The following REV3L variants were observed in gnomAD, a reference collection of about 807,000 sequenced individuals.
The protein encoded by REV3L is REV3 like, DNA directed polymerase zeta catalytic subunit.
Under a neutral mutation model 299.4 loss-of-function variants are expected in REV3L, and 69 were observed. The observed-to-expected ratio is 0.23, with a 90% CI of 0.19 to 0.28. The LOEUF (loss-of-function observed/expected upper bound fraction) is 0.28, where lower values mean the gene tolerates loss of function less well. Ranked by LOEUF, REV3L falls within the 10% of genes least tolerant of loss-of-function variation. The pLI is 1.00. For synonymous variants in REV3L, 1,238 were observed against 1,271.4 expected, an observed-to-expected ratio of 0.97 and a Z score of 0.56; for missense variants, 3,128 against 3,693.8, an observed-to-expected ratio of 0.85 and a Z score of 3.97.
At chr6:111,385,696 G>A (rs1781277291) in intron 9 of REV3L, among the ~76,000 whole-genome samples, 1 of 151,732 alleles carries the variant, frequency 6.6e-6, no homozygotes, top group East Asian at 1.9e-4. Flanking sequence ...CCTAGATGGA[G>A]AGAAAACATC....
chr6:111,448,737 C>T (rs1173841760), intron 1 of REV3L, among the ~76,000 whole-genome samples: 1 of 151,828 alleles, frequency 6.6e-6, no homozygotes, highest in Non-Finnish European at 1.5e-5. Context: ...CCTCTCACCT[C>T]AGCCTCTCCA....
intron 1 of REV3L, among the ~76,000 whole-genome samples, chr6:111,436,182 G>C (rs1787527023): frequency 6.6e-6 from 1 of 152,156 alleles, no homozygotes; most frequent in Non-Finnish European, 1.5e-5. Context: ...GCGGATAAAG[G>C]AGAATCCTCG....
chr6:111,410,403 T>G (rs1253106582), intron 3 of REV3L, among the ~76,000 whole-genome samples: 1 of 152,208 alleles, frequency 6.6e-6, no homozygotes, highest in Non-Finnish European at 1.5e-5. Context: ...TATAAAACAC[T>G]TAAGCCTCTT....
At chr6:111,481,846 G>C (rs1237376633) in intron 1 of REV3L, among the ~76,000 whole-genome samples, 1 of 151,692 alleles carries the variant, frequency 6.6e-6, no homozygotes, top group Non-Finnish European at 1.5e-5. Context: ...TTTTGAGAAC[G>C]TACCTTCTGT....
rs1582393119 is a variant in REV3L, at chr6:111,299,472, C to T, written c.*544G>A. ...TGCACAGTTTGATCAAAATAACGATCTACTTTGAGTCAAGCAAAACCTAGA... is the reference window on the plus strand; with the variant it reads ...TGCACAGTTTGATCAAAATAACGATTTACTTTGAGTCAAGCAAAACCTAGA... On this transcript the variant is annotated 3_prime_UTR_variant, in exon 32 of 32. Coordinates refer to ENST00000368802, the MANE Select transcript of REV3L (RefSeq NM_001372078.1). 1 of 152,702 alleles carries T rather than the reference C, an allele frequency of 6.5e-6. No individual in the cohort carries two copies. Among genetic ancestry groups the T allele is most frequent in the Non-Finnish European group, 1.5e-5 (1 of 68,044 alleles). The allele number at this position is 152,702 out of a possible 1,614,324, so 9.5% of individuals were successfully genotyped here.
chr6:111,351,893 T>C (rs1777602524), intron 18 of REV3L, 102 bp from the exon 19 acceptor site: 1 of 724,974 alleles, frequency 1.4e-6, no homozygotes, highest in South Asian at 2.0e-5. Context: ...CAAAAACCTA[T>C]GTTCTCTAAC....
At chr6:111,400,935 T>C (rs1236908582) in intron 4 of REV3L, among the ~76,000 whole-genome samples, 4 of 152,096 alleles carry the variant, frequency 2.6e-5, no homozygotes, top group Admixed American at 1.3e-4. Context: ...TATGTTCTTT[T>C]ATTTTTATTT....
intron 1 of REV3L, among the ~76,000 whole-genome samples, chr6:111,429,791 G>GACTGCCT (rs1422926127): frequency 1.3e-5 from 2 of 152,242 alleles, no homozygotes; most frequent in East Asian, 3.9e-4. Flanking sequence ...CCTGGCGCGG[G>GACTGCCT]GGGTGAGCAC....
chr6:111,344,461 C>G (rs1261969656), intron 20 of REV3L, among the ~76,000 whole-genome samples: 1 of 152,106 alleles, frequency 6.6e-6, no homozygotes, highest in Non-Finnish European at 1.5e-5. Flanking sequence ...GGTGAGTTAT[C>G]TAGTTAAAGG....
intron 21 of REV3L, among the ~76,000 whole-genome samples, chr6:111,337,351 A>G (rs1200004828): frequency 2.6e-5 from 4 of 152,228 alleles, no homozygotes; most frequent in Admixed American, 1.3e-4. Context: ...ATTTTGTTTC[A>G]TAATTTACAT....
At chr6:111,478,394 A>T (rs1267203943) in intron 1 of REV3L, among the ~76,000 whole-genome samples, 1 of 152,134 alleles carries the variant, frequency 6.6e-6, no homozygotes, top group Non-Finnish European at 1.5e-5. Context: ...TACCTACTTT[A>T]AAAAAAGTGA....
At chr6:111,465,755 A>AAAC (rs1554250424) in intron 1 of REV3L, among the ~76,000 whole-genome samples, 2 of 150,810 alleles carry the variant, frequency 1.3e-5, no homozygotes, top group Non-Finnish European at 3.0e-5. Context: ...CAAAAAAAAA[A>AAAC]AAAAAAAAAA....
At chr6:111,377,616 T>C in intron 12 of REV3L, 85 bp downstream of exon 12, 1 of 1,327,232 alleles carries the variant, frequency 7.5e-7, no homozygotes, top group South Asian at 1.4e-5. Context: ...GGATTACAGG[T>C]GTGAGCCAGA....
intron 21 of REV3L, among the ~76,000 whole-genome samples, chr6:111,337,230 T>C (rs1775997949): frequency 6.6e-6 from 1 of 152,212 alleles, no homozygotes; most frequent in South Asian, 2.1e-4. Flanking sequence ...GTGAATTATA[T>C]ACTTTAAATG....
chr6:111,412,414 C>T (rs1784340281), intron 2 of REV3L: 1 of 201,354 alleles, frequency 5.0e-6, no homozygotes, highest in Admixed American at 6.5e-5. Flanking sequence ...ACACTACAAC[C>T]TCTGATATAC....
In REV3L at chr6:111,300,060, A is replaced by G. The variant is rs1441048611; in HGVS notation, c.9349T>C (p.Leu3117=). The G allele has an allele frequency of 1.1e-5, 17 of 1,613,668 alleles. No homozygotes were observed. The highest frequency in any genetic ancestry group is 1.3e-5 in the Non-Finnish European group (15 of 1,179,794). Residue 3117 remains leucine, a synonymous_variant, in exon 32 of 32, where the codon TTG becomes CTG. Transcript: ENST00000368802. ...TGCCGGAGATATGGTGCCTTGGACA[A>G]TTCTCTATTTACTCGGGAGAGTTTG... is the stretch of plus-strand genomic sequence containing the variant. The part of the protein sequence containing the change: ...LFKLSRVNRE[L]SKAPYLRQLL...
intron 4 of REV3L, among the ~76,000 whole-genome samples, chr6:111,399,081 T>C (rs545512760): frequency 9.8e-5 from 15 of 152,320 alleles, no homozygotes; most frequent in African/African-American, 3.6e-4. Context: ...ATAAAATAAA[T>C]GGTTTCTGTA....
intron 16 of REV3L, among the ~76,000 whole-genome samples, chr6:111,360,038 A>G (rs1344370009): frequency 6.6e-6 from 1 of 152,228 alleles, no homozygotes; most frequent in African/African-American, 2.4e-5. Context: ...GATAAAATAT[A>G]CACAACAAGG....
At chr6:111,305,857 GTCTATT>G (rs1772228637) in intron 31 of REV3L, among the ~76,000 whole-genome samples, 1 of 152,132 alleles carries the variant, frequency 6.6e-6, no homozygotes, top group Non-Finnish European at 1.5e-5. Context: ...CAGGACAGAA[GTCTATT>G]AAATAAATAG....
Sources: gnomAD v4.1 joint callset for allele counts (sites outside exome capture counted in the v4.1 genomes callset) on GRCh38, gnomAD v4.1.1 for gene constraint, MANE v1.5 for transcripts, NCBI Gene and HGNC (gene_info 2026-07-23, HGNC 2026-07-21) for gene names.